Variants in CCNG1 observed in about 807,000 individuals in gnomAD.
CCNG1 encodes cyclin G1.
In CCNG1, 13 loss-of-function variants were observed where a neutral mutation model predicts 30.0. That is an observed-to-expected ratio of 0.43 (90% CI 0.28 to 0.69). The LOEUF (loss-of-function observed/expected upper bound fraction) is 0.69, where lower values mean the gene tolerates loss of function less well. Among genes scored for constraint, CCNG1 ranks in the 30% least tolerant of loss-of-function variants. CCNG1 has a pLI of 0.16. For synonymous variants in CCNG1, 110 were observed against 121.5 expected (o/e 0.91, Z 0.62); for missense variants, 285 against 331.4 (o/e 0.86, Z 1.09).
the CCNG1 span, chr5:163,453,695 G>T: frequency 4.3e-6 from 1 of 233,522 alleles, no homozygotes; most frequent in African/African-American, 2.3e-5. Flanking sequence ...TTAAAAATAT[G>T]GTTAAATATG....
the CCNG1 span, chr5:163,451,273 G>C: frequency 6.6e-6 from 1 of 152,158 alleles, no homozygotes; most frequent in Non-Finnish European, 1.5e-5. Flanking sequence ...TGAAATGTAT[G>C]TTGTTACAAT....
At chr5:163,438,119 C>T (rs565019970) in intron 1 of CCNG1, among the ~76,000 whole-genome samples, 21 of 152,254 alleles carry the variant, frequency 1.4e-4, no homozygotes, top group Admixed American at 1.3e-4. Context: ...GTGGGAGGGA[C>T]CTTCCATGTA....
chr5:163,443,362 A>G (rs182432020), intron 6 of CCNG1, among the ~76,000 whole-genome samples: 3 of 152,072 alleles, frequency 2.0e-5, no homozygotes, highest in South Asian at 4.1e-4. Context: ...TGGTCTCTAC[A>G]TTGGGTATCT....
downstream of CCNG1, chr5:163,445,789 G>A (rs1407238049): frequency 6.6e-6 from 1 of 151,878 alleles, no homozygotes; most frequent in Non-Finnish European, 1.5e-5. Flanking sequence ...ATAGAATGAT[G>A]ACAAATAATT....
the CCNG1 span, chr5:163,453,000 G>C: frequency 6.6e-6 from 1 of 152,166 alleles, no homozygotes; most frequent in Non-Finnish European, 1.5e-5. Context: ...GAGGATTAGA[G>C]GGTAGTAATG....
At chr5:163,457,068 A>G in the CCNG1 span, 3 of 1,597,572 alleles carry the variant, frequency 1.9e-6, no homozygotes, top group Non-Finnish European at 2.6e-6. Context: ...AATACGAACC[A>G]TTTTTCTGTC....
intron 3 of CCNG1, 192 bp from the exon 4 acceptor site, chr5:163,441,694 A>C (rs1757823041): frequency 1.8e-6 from 1 of 548,798 alleles, no homozygotes; most frequent in South Asian, 2.7e-5. Context: ...GGCCCAAATC[A>C]TCTAAAACTC....
downstream of CCNG1, chr5:163,450,799 C>T (rs1000128828): frequency 1.3e-5 from 2 of 152,208 alleles, no homozygotes; most frequent in African/African-American, 2.4e-5. Flanking sequence ...CCTAAAAATT[C>T]TACTCCTAGG....
chr5:163,444,617 AAAGC>A lies in CCNG1; in HGVS notation c.*951_*954del, dbSNP rs1170345176. ...CTGTGCCAAAACAAAAATCTTAAGA[AAAGC>A]AAGTAGACACCTTCATAACTATGAA... On this transcript the variant is annotated 3_prime_UTR_variant, in exon 7 of 7. Coordinates refer to ENST00000340828, the MANE Select transcript of CCNG1 (RefSeq NM_004060.4). 1.3e-5 allele frequency: 2 copies of A among 152,654 alleles called. No homozygotes were observed. The highest frequency in any genetic ancestry group is 2.9e-5 in the Non-Finnish European group (2 of 68,044). The allele number at this position is 152,654 out of a possible 1,614,324, so 9.5% of individuals were successfully genotyped here.
At chr5:163,451,453 T>C in the CCNG1 span, 2 of 152,186 alleles carry the variant, frequency 1.3e-5, no homozygotes, top group East Asian at 3.8e-4. Context: ...TTCAATACTC[T>C]GACTGTGGAG....
Position 163,441,338 on chromosome 5 carries a change from G to T in CCNG1, c.518+7G>T. The T allele has an allele frequency of 6.2e-7, 1 of 1,611,574 alleles. No individual in the cohort carries two copies. The highest frequency in any genetic ancestry group is 1.1e-5 in the South Asian group (1 of 90,848). On this transcript the variant is annotated splice_region_variant and intron_variant, in intron 3 of 6. Coordinates refer to ENST00000340828, the MANE Select transcript of CCNG1 (RefSeq NM_004060.4). Reference sequence around the variant, plus strand: ...AGAACTTGCCACTTGAAAGGTAAGTGACCTTTGTTTTGAACAAGAGACATT... The same window carrying T: ...AGAACTTGCCACTTGAAAGGTAAGTTACCTTTGTTTTGAACAAGAGACATT...
downstream of CCNG1, among the ~76,000 whole-genome samples, chr5:163,445,620 ATTT>A (rs56065634): frequency 9.3e-6 from 1 of 107,986 alleles, no homozygotes; most frequent in Non-Finnish European, 1.8e-5. Flanking sequence ...CACCCAGCTA[ATTT>A]TTTTTTTTTT....
chr5:163,443,678 AT>A lies in CCNG1; in HGVS notation c.*10del. 6.6e-7 allele frequency: 1 copy of A among 1,514,682 alleles called. No individual in the cohort carries two copies. The highest frequency in any genetic ancestry group is 8.9e-7 in the Non-Finnish European group (1 of 1,127,926). 93.8% of individuals were successfully genotyped at this position (1,514,682 alleles called of 1,614,324 possible). On this transcript the variant is annotated 3_prime_UTR_variant, in exon 7 of 7. Coordinates refer to ENST00000340828, the MANE Select transcript of CCNG1 (RefSeq NM_004060.4). ...TTGTTTTCTTTATTTAAATAGGATT[AT>A]TACAGCACCAAAAAACTTCTCTGAA...
At chr5:163,457,520 C>T in the CCNG1 span, 1 of 1,174,642 alleles carries the variant, frequency 8.5e-7, no homozygotes, top group Non-Finnish European at 1.3e-6. Context: ...GATATCAAGA[C>T]AAAATTATTT....
At chr5:163,453,921 G>T in the CCNG1 span, 1 of 1,047,328 alleles carries the variant, frequency 9.5e-7, no homozygotes, top group Non-Finnish European at 1.4e-6. Context: ...ATCTGATTAA[G>T]TTGGCAATAT....
intron 5 of CCNG1, 28 bp downstream of exon 5, chr5:163,442,171 A>G: frequency 7.0e-7 from 1 of 1,437,694 alleles, no homozygotes; most frequent in South Asian, 1.2e-5. Context: ...CCTAAATCCT[A>G]TTAACAGCTG....
chr5:163,440,795 T>TA (rs1757775048), intron 2 of CCNG1, among the ~76,000 whole-genome samples: 1 of 152,188 alleles, frequency 6.6e-6, no homozygotes, highest in Admixed American at 6.5e-5. Context: ...AATGTTTACT[T>TA]ATAGTTCTAC....
the CCNG1 span, chr5:163,452,879 A>C: frequency 6.6e-6 from 1 of 152,240 alleles, no homozygotes; most frequent in South Asian, 2.1e-4. Flanking sequence ...TCCAGAATGA[A>C]GTAAACTAAA....
downstream of CCNG1, chr5:163,448,563 G>T (rs945981962): frequency 2.0e-5 from 3 of 152,046 alleles, no homozygotes; most frequent in African/African-American, 7.2e-5. Flanking sequence ...AACATTTAAA[G>T]ATATAACAAA....
Sources: allele counts gnomAD v4.1 joint callset (sites outside exome capture counted in the v4.1 genomes callset), GRCh38; gene constraint gnomAD v4.1.1; transcripts MANE v1.5; gene names NCBI Gene and HGNC (gene_info 2026-07-23, HGNC 2026-07-21).